The following ZC4H2 variants were observed in gnomAD, a reference collection of about 807,000 sequenced individuals.
ZC4H2 encodes the protein zinc finger C4H2 domain-containing protein.
For missense variants in ZC4H2, 137 were observed against 173.9 expected (o/e 0.79, Z 1.19); for synonymous variants, 84 against 66.3 (o/e 1.27, Z -1.30).
chrX:64,952,431 C>T (rs910668183), intron 1 of ZC4H2, among the ~76,000 whole-genome samples: 3 of 110,036 alleles, frequency 2.7e-5, no homozygotes, highest in African/African-American at 1.0e-4. Context: ...ATCATGTCAG[C>T]CCAAAATCTC....
intron 1 of ZC4H2, among the ~76,000 whole-genome samples, chrX:64,987,259 A>G (rs1932206984): frequency 9.0e-6 from 1 of 111,305 alleles, no homozygotes; most frequent in Admixed American, 9.6e-5. Flanking sequence ...AAATTTATAT[A>G]GAAAGGCAAG....
rs1177199868 is a variant in ZC4H2, at chrX:65,025,145, C to CTTT, written c.-272+9481_-272+9483dup. On this transcript the variant is annotated intron_variant, in intron 1 of 4. Transcript: ENST00000337990. ...GGTTTTTTTGTTGGTTTGTTTTTTG[C>CTTT]TTTTTTTTTTTTTTTTTTTTTGAGT... Among the ~76,000 whole-genome samples the CTTT allele has an allele frequency of 6.6e-4, 49 of 73,692 alleles. 1 individual carries two copies. Among genetic ancestry groups the CTTT allele is most frequent in the African/African-American group, 1.0e-3 (17 of 16,922 alleles). The allele number at this position is 73,692 out of a possible 115,157, so 64.0% of individuals were successfully genotyped here. A position where few individuals can be genotyped will look rare whatever the true frequency, so the allele number is the denominator to read the frequency against.
At chrX:65,010,652 C>T (rs769392137) in intron 1 of ZC4H2, among the ~76,000 whole-genome samples, 12 of 111,784 alleles carry the variant, frequency 1.1e-4, no homozygotes, top group Admixed American at 6.7e-4. Context: ...GGAGCTCAGA[C>T]GAGCTTTATC....
intron 1 of ZC4H2, among the ~76,000 whole-genome samples, chrX:64,937,302 C>T (rs372901667): frequency 3.3e-4 from 37 of 110,988 alleles, no homozygotes; most frequent in Non-Finnish European, 6.0e-4. Flanking sequence ...TCTTAGAGAC[C>T]TGCAAAGAAA....
chrX:64,971,714 T>A (rs766791609), intron 1 of ZC4H2, among the ~76,000 whole-genome samples: 3 of 111,065 alleles, frequency 2.7e-5, no homozygotes, highest in South Asian at 7.7e-4. Context: ...ATTTGGAGGA[T>A]AATATTTGAA....
chrX:65,000,041 G>T (rs2147278674), intron 1 of ZC4H2, among the ~76,000 whole-genome samples: 1 of 112,389 alleles, frequency 8.9e-6, no homozygotes, highest in East Asian at 2.8e-4. Context: ...GTTCATGCCT[G>T]CCAGCTCTGA....
chrX:64,973,059 C>A (rs1365357519), intron 1 of ZC4H2, among the ~76,000 whole-genome samples: 5 of 111,352 alleles, frequency 4.5e-5, no homozygotes, highest in African/African-American at 9.8e-5. Context: ...TAGGAATTTT[C>A]TTTGCTCTGA....
chrX:64,935,487 GCCT>G (rs1929961646), intron 1 of ZC4H2, among the ~76,000 whole-genome samples: 1 of 112,075 alleles, frequency 8.9e-6, no homozygotes, highest in Non-Finnish European at 1.9e-5. Flanking sequence ...GGGACAGATT[GCCT>G]CCTCAAGTGA....
intron 1 of ZC4H2, among the ~76,000 whole-genome samples, chrX:65,009,191 T>A (rs1229405774): frequency 8.9e-6 from 1 of 111,873 alleles, no homozygotes; most frequent in African/African-American, 3.3e-5. Flanking sequence ...AAGGTCCTTT[T>A]TGTGCCCTGC....
intron 1 of ZC4H2, among the ~76,000 whole-genome samples, chrX:64,952,882 G>C (rs1170993359): frequency 9.0e-6 from 1 of 111,059 alleles, no homozygotes; most frequent in African/African-American, 3.3e-5. Context: ...TAAGCCAAAA[G>C]AACAAAGCTG....
chrX:64,941,836 A>G (rs1335975915), intron 1 of ZC4H2, among the ~76,000 whole-genome samples: 1 of 111,306 alleles, frequency 9.0e-6, no homozygotes, highest in Non-Finnish European at 1.9e-5. Flanking sequence ...TTGGCCTGAA[A>G]TTTTCTTTGT....
chrX:65,032,890 C>A (rs943249756), intron 1 of ZC4H2, among the ~76,000 whole-genome samples: 1 of 111,038 alleles, frequency 9.0e-6, no homozygotes, highest in Non-Finnish European at 1.9e-5. Context: ...GATTCTACTG[C>A]CCCCGCCTCC....
chrX:64,963,610 A>G (rs1345285640), intron 1 of ZC4H2, among the ~76,000 whole-genome samples: 1 of 111,750 alleles, frequency 8.9e-6, no homozygotes, highest in African/African-American at 3.2e-5. Flanking sequence ...CCGATTGAAC[A>G]CTGGGCAAAG....
At chrX:64,925,067 C>T (rs771093395) in intron 1 of ZC4H2, among the ~76,000 whole-genome samples, 3 of 110,962 alleles carry the variant, frequency 2.7e-5, no homozygotes, top group South Asian at 3.8e-4. Context: ...GTAAAGTCAC[C>T]AAGCAGAGTA....
intron 1 of ZC4H2, among the ~76,000 whole-genome samples, chrX:65,013,813 C>T (rs1296337668): frequency 9.0e-6 from 1 of 111,279 alleles, no homozygotes; most frequent in Non-Finnish European, 1.9e-5. Flanking sequence ...TAATAAATGT[C>T]AGCTGTTTTA....
intron 1 of ZC4H2, among the ~76,000 whole-genome samples, chrX:64,954,376 A>T (rs1287453919): frequency 3.9e-5 from 3 of 76,144 alleles, no homozygotes; most frequent in Admixed American, 1.4e-4. Flanking sequence ...ATATATAATT[A>T]TATATATTTA....
At chrX:64,951,863 G>T (rs1159281598) in intron 1 of ZC4H2, among the ~76,000 whole-genome samples, 14 of 111,459 alleles carry the variant, frequency 1.3e-4, no homozygotes, top group African/African-American at 3.6e-4. Flanking sequence ...TTTTAGACAT[G>T]AAGTCCTTGC....
intron 1 of ZC4H2, among the ~76,000 whole-genome samples, chrX:64,993,158 T>A (rs1932343412): frequency 8.9e-6 from 1 of 112,402 alleles, no homozygotes; most frequent in Non-Finnish European, 1.9e-5. Context: ...GTATGTGTCG[T>A]GCAACATTTC....
intron 1 of ZC4H2, among the ~76,000 whole-genome samples, chrX:64,949,639 A>G (rs1027095956): frequency 9.0e-6 from 1 of 111,409 alleles, no homozygotes; most frequent in African/African-American, 3.3e-5. Context: ...ATATTAATAT[A>G]TGTTCCTAGT....
Sources: gnomAD v4.1 joint callset for allele counts (sites outside exome capture counted in the v4.1 genomes callset) on GRCh38, gnomAD v4.1.1 for gene constraint, MANE v1.5 for transcripts, NCBI Gene and HGNC (gene_info 2026-07-23, HGNC 2026-07-21) for gene names.